The following METTL23 variants were observed in gnomAD, a reference collection of about 807,000 sequenced individuals.
METTL23 encodes methyltransferase 23, arginine.
In METTL23, 24 loss-of-function variants were observed where a neutral mutation model predicts 21.2. The ratio of observed to expected loss-of-function variants is 1.13; its 90% confidence interval spans 0.82 to 1.59. The LOEUF (loss-of-function observed/expected upper bound fraction) is 1.59, where lower values mean the gene tolerates loss of function less well. METTL23 is among the 40% of genes most tolerant of loss of function. METTL23 has a pLI of 0.00. For synonymous variants in METTL23, 97 were observed against 75.2 expected, an observed-to-expected ratio of 1.29 and a Z score of -1.50; for missense variants, 276 against 221.4, an observed-to-expected ratio of 1.25 and a Z score of -1.57.
At chr17:76,727,232 C>T (rs1182880353) in intron 1 of METTL23, 54 bp downstream of exon 1, 3 of 356,098 alleles carry the variant, frequency 8.4e-6, no homozygotes, top group Non-Finnish European at 1.7e-5. Context: ...CGGATGTCGG[C>T]TGACTTGGCT....
At chr17:76,726,330 C>G (rs1216623355), upstream of METTL23, 4 of 1,557,308 alleles carry the variant, frequency 2.6e-6, no homozygotes, top group Non-Finnish European at 3.5e-6. Flanking sequence ...CTGGCCACCC[C>G]CGCCCGACCC....
chr17:76,726,625 A>T, upstream of METTL23: 1 of 1,077,912 alleles, frequency 9.3e-7, no homozygotes, highest in Non-Finnish European at 1.3e-6. Context: ...CTTCCAGAAA[A>T]TTCACTCCCC....
At position 76,732,984 on chromosome 17, in the gene METTL23, G is replaced by C. The variant is rs1466962731; in HGVS notation, c.91G>C (p.Ala31Pro). Residue 31 changes from alanine (A) to proline (P), a missense_variant, in exon 3 of 5, where the codon GCT becomes CCT. Coordinates refer to ENST00000341249, the MANE Select transcript of METTL23 (RefSeq NM_001080510.5). Reference protein sequence around the residue: ...LPGKAILEIGAGVSLPGILAA... With the variant: ...LPGKAILEIGPGVSLPGILAA... Reference sequence around the variant, plus strand: ...ATCTTTCATAACTTATTAGATTGGAGCTGGAGTGAGCCTTCCAGGAATTTT... The same window carrying C: ...ATCTTTCATAACTTATTAGATTGGACCTGGAGTGAGCCTTCCAGGAATTTT... 30 of 1,570,196 alleles carry C rather than the reference G, an allele frequency of 1.9e-5. No homozygotes were observed. Among genetic ancestry groups the C allele is most frequent in the Non-Finnish European group, 2.4e-5 (28 of 1,156,258 alleles).
chr17:76,733,411 A>G, intron 4 of METTL23, 34 bp downstream of exon 4: 1 of 1,608,362 alleles, frequency 6.2e-7, no homozygotes, highest in Non-Finnish European at 8.5e-7. Context: ...TTTATATGTA[A>G]CTTAAGCCTT....
chr17:76,727,864 G>A (rs545296966), intron 1 of METTL23, among the ~76,000 whole-genome samples: 2 of 152,314 alleles, frequency 1.3e-5, no homozygotes, highest in Non-Finnish European at 2.9e-5. Context: ...TGCTGGGATT[G>A]CAGGAGTGAG....
intron 1 of METTL23, 157 bp downstream of exon 1, chr17:76,727,335 T>C (rs2143776917): frequency 1.8e-5 from 6 of 335,776 alleles, no homozygotes; most frequent in South Asian, 1.4e-4. Context: ...TATGAAGCCC[T>C]TCGGTGCATT....
chr17:76,732,697 T>G, intron 2 of METTL23: 1 of 454,374 alleles, frequency 2.2e-6, no homozygotes, highest in East Asian at 4.1e-5. Context: ...GCCCCAAAAC[T>G]ACTTCTGTGT....
chr17:76,733,102 A>G lies in METTL23; in HGVS notation c.209A>G (p.Asn70Ser), dbSNP rs749476487. ...TGTCGGCAAAGCTGCCAAATGAATA[A>G]CCTGCCACATCTGCAGGTGGTAGGA... ...EVCRQSCQMN[N>S]LPHLQVVGLT... The change falls in exon 3 of 5, where the codon AAC becomes AGC. Residue 70 changes from asparagine to serine, a missense_variant. Physicochemically the swap from Asn to Ser is conservative, Grantham distance 46. Transcript: ENST00000341249. 6.2e-7 allele frequency: 1 copy of G among 1,611,796 alleles called. No homozygotes were observed. Among genetic ancestry groups the G allele is most frequent in the Non-Finnish European group, 8.5e-7 (1 of 1,179,090 alleles).
At position 76,732,969 on chromosome 17, in the gene METTL23, ACTT is replaced by A. The variant is rs777505546; in HGVS notation, c.85-8_85-6del. On this transcript the variant is annotated splice_polypyrimidine_tract_variant and splice_region_variant and intron_variant, in intron 2 of 4. Transcript: ENST00000341249. ...TAATTGTGAAATGCCATCTTTCATA[ACTT>A]ATTAGATTGGAGCTGGAGTGAGCCT... The A allele has an allele frequency of 1.7e-5, 27 of 1,556,996 alleles. No individual in the cohort carries two copies. The South Asian group carries it at 3.0e-4, about 17-fold the overall frequency.
Position 76,733,758 on chromosome 17 carries a change from C to T in METTL23, c.*72C>T, listed in dbSNP as rs2143886589. ...ACCTGGCACACAAACTATGAGCAGA[C>T]CACTTCAGCTTGAGAATGCAGTGGG... On this transcript the variant is annotated 3_prime_UTR_variant, in exon 5 of 5. Transcript: ENST00000341249. The T allele has an allele frequency of 1.5e-6, 2 of 1,378,412 alleles. No individual in the cohort carries two copies. The highest frequency in any genetic ancestry group is 2.0e-6 in the Non-Finnish European group (2 of 1,013,826). 85.4% of individuals were successfully genotyped at this position (1,378,412 alleles called of 1,614,324 possible). A position where few individuals can be genotyped will look rare whatever the true frequency, so the allele number is the denominator to read the frequency against.
In METTL23 at chr17:76,729,720, T is replaced by TG; in HGVS notation, c.12dup (p.Pro5AlafsTer66). Reference sequence around the variant, plus strand: ...GCATCTCCAGTATGGAATGTATGTTTGGCCCTGTGCTGTGGTCCTGGCCCA... The same window carrying TG: ...GCATCTCCAGTATGGAATGTATGTTTGGGCCCTGTGCTGTGGTCCTGGCCCA... On this transcript the variant is annotated frameshift_variant, in exon 2 of 5. Transcript: ENST00000341249. LOFTEE classifies it high-confidence loss of function. 6.3e-7 allele frequency: 1 copy of TG among 1,596,880 alleles called. No homozygotes were observed. The highest frequency in any genetic ancestry group is 1.1e-5 in the South Asian group (1 of 88,382).
intron 2 of METTL23, among the ~76,000 whole-genome samples, chr17:76,731,856 ATC>A (rs1354493528): frequency 2.0e-5 from 3 of 152,152 alleles, no homozygotes; most frequent in African/African-American, 7.2e-5. Context: ...CAATAATTCT[ATC>A]TCTGTGTCCT....
upstream of METTL23, chr17:76,726,827 G>T: frequency 2.9e-6 from 1 of 346,756 alleles, no homozygotes; most frequent in South Asian, 2.2e-5. Context: ...CCGCGCTGCC[G>T]CTGTGCCCAT....
At chr17:76,732,801 A>T in intron 2 of METTL23, 177 bp from the exon 3 acceptor site, 1 of 617,950 alleles carries the variant, frequency 1.6e-6, no homozygotes, top group Non-Finnish European at 2.8e-6. Flanking sequence ...ATTCATAAGG[A>T]ATGTACTTTT....
chr17:76,726,376 T>C (rs2076935340), upstream of METTL23: 1 of 1,598,644 alleles, frequency 6.3e-7, no homozygotes, highest in African/African-American at 1.4e-5. Context: ...AGCGAGAAGC[T>C]CTCGTAGTAG....
At chr17:76,728,663 G>A (rs1429119569) in intron 1 of METTL23, among the ~76,000 whole-genome samples, 2 of 151,890 alleles carry the variant, frequency 1.3e-5, no homozygotes, top group Non-Finnish European at 2.9e-5. Context: ...CACCTGCCTC[G>A]GCCTACCAAA....
intron 2 of METTL23, among the ~76,000 whole-genome samples, chr17:76,732,294 G>A (rs374311436): frequency 6.6e-6 from 1 of 152,168 alleles, no homozygotes; most frequent in South Asian, 2.1e-4. Context: ...CCTGTCGGGA[G>A]TTCAAGACCA....
At chr17:76,726,153 G>C (rs1260431202), upstream of METTL23, among the ~76,000 whole-genome samples, 1 of 152,238 alleles carries the variant, frequency 6.6e-6, no homozygotes, top group African/African-American at 2.4e-5. Flanking sequence ...AGAGCAGACG[G>C]GCGGCCACAG....
At chr17:76,732,473 G>A (rs1453951926) in intron 2 of METTL23, among the ~76,000 whole-genome samples, 2 of 151,446 alleles carry the variant, frequency 1.3e-5, no homozygotes, top group Non-Finnish European at 2.9e-5. Flanking sequence ...ACTCCAGCCT[G>A]AGCAACAAGA....
Sources: allele counts gnomAD v4.1 joint callset (sites outside exome capture counted in the v4.1 genomes callset), GRCh38; gene constraint gnomAD v4.1.1; transcripts MANE v1.5; gene names NCBI Gene and HGNC (gene_info 2026-07-23, HGNC 2026-07-21).